ADGRA2: variants seen among roughly 807,000 people sequenced by gnomAD.
ADGRA2 encodes G-protein coupled receptor 124.
Under a neutral mutation model 98.7 loss-of-function variants are expected in ADGRA2, and 61 were observed. The ratio of observed to expected loss-of-function variants is 0.62; its 90% confidence interval spans 0.50 to 0.76. The LOEUF (loss-of-function observed/expected upper bound fraction) is 0.76, where lower values mean the gene tolerates loss of function less well. Ranked by LOEUF, ADGRA2 falls within the 30% of genes least tolerant of loss-of-function variation. ADGRA2 has a pLI of 0.00. For missense variants in ADGRA2, 1,712 were observed against 1,860.0 expected (o/e 0.92, Z 1.46); for synonymous variants, 858 against 831.5 (o/e 1.03, Z -0.55).
At chr8:37,835,798 C>CTGGAGCTGCTGGGCCTGGCAAG in intron 13 of ADGRA2, 28 bp downstream of exon 13, 1 of 1,465,414 alleles carries the variant, frequency 6.8e-7, no homozygotes, top group Non-Finnish European at 9.5e-7. Context: ...CCGCCCCGCC[C>CTGGAGCTGCTGGGCCTGGCAAG]AGGGTGCCTC....
rs1805524441 is a variant in ADGRA2, at chr8:37,833,712, C to T, written c.1321C>T (p.Leu441=). Residue 441 remains leucine (L), a synonymous_variant, in exon 10 of 19, where the codon CTG becomes TTG. Coordinates refer to ENST00000412232, the MANE Select transcript of ADGRA2 (RefSeq NM_032777.10). ...VLMPINASNA[L]TLAHQLRVYT... Reference sequence around the variant, plus strand: ...GATGCCCATCAATGCCTCCAATGCGCTGACCCTGGCTCACCAGCTGCGCGT... The same window carrying T: ...GATGCCCATCAATGCCTCCAATGCGTTGACCCTGGCTCACCAGCTGCGCGT... 6.2e-7 allele frequency: 1 copy of T among 1,614,200 alleles called. No homozygotes were observed. Among genetic ancestry groups the T allele is most frequent in the Non-Finnish European group, 8.5e-7 (1 of 1,180,018 alleles).
At position 37,828,868 on chromosome 8, in the gene ADGRA2, C is replaced by A; in HGVS notation, c.339-20C>A. 1 of 1,592,060 alleles carries A rather than the reference C, an allele frequency of 6.3e-7. No individual in the cohort carries two copies. Among genetic ancestry groups the A allele is most frequent in the Non-Finnish European group, 8.5e-7 (1 of 1,170,086 alleles). ...CTCCAGCGGGGAGAGGTGTGAGGGCCTCTGCACTTGCCTCTGCAGGGACCT... is the reference window on the plus strand; with the variant it reads ...CTCCAGCGGGGAGAGGTGTGAGGGCATCTGCACTTGCCTCTGCAGGGACCT... On this transcript the variant is annotated intron_variant, in intron 2 of 18. Coordinates refer to ENST00000412232, the MANE Select transcript of ADGRA2 (RefSeq NM_032777.10).
rs753563788 is a variant in ADGRA2, at chr8:37,839,481, G to A, written c.2388-18G>A. 2.0e-5 allele frequency: 33 copies of A among 1,613,746 alleles called. No individual in the cohort carries two copies. The Middle Eastern group carries it at 6.6e-4, about 32-fold the overall frequency. ...CCTTGGGTTGGACGGCCATTAATTC[G>A]AGACTGTTTCCGGGCAGCTCCATCC... is the stretch of plus-strand genomic sequence containing the variant. On this transcript the variant is annotated intron_variant, in intron 15 of 18. Transcript: ENST00000412232.
rs912341043 is a variant in ADGRA2, at chr8:37,841,328, G to A, written c.2990G>A (p.Ser997Asn). The A allele has an allele frequency of 3.1e-6, 5 of 1,606,068 alleles. No homozygotes were observed. Among genetic ancestry groups the A allele is most frequent in the Middle Eastern group, 1.7e-4 (1 of 6,058 alleles). ...SDSGSLLATG[S>N]ARVGTPGPPE... ...TCAGGTTCCCTTCTTGCTACTGGGAGCGCGCGAGTGGGGACGCCCGGGCCC... is the reference window on the plus strand; with the variant it reads ...TCAGGTTCCCTTCTTGCTACTGGGAACGCGCGAGTGGGGACGCCCGGGCCC... The change falls in exon 19 of 19, where the codon AGC becomes AAC. Residue 997 changes from serine (S) to asparagine (N), a missense_variant. Ser to Asn is a conservative substitution (Grantham distance 46). Coordinates refer to ENST00000412232, the MANE Select transcript of ADGRA2 (RefSeq NM_032777.10). This position sits in a 1 kb window ranked among gnomAD's most constrained non-coding sequence, Gnocchi z 5.0.
rs1805588389 is a variant in ADGRA2, at chr8:37,835,653, C to T, written c.1933C>T (p.Leu645=). ...GGTGCCCCCAGACTGCACCCTGCAA[C>T]TGCTCGTCTTCCGAAATGGCCGCCT... is the stretch of plus-strand genomic sequence containing the variant. The part of the protein sequence containing the change: ...PPVPPDCTLQ[L]LVFRNGRLFH... The change falls in exon 13 of 19, where the codon CTG becomes TTG. Residue 645 remains leucine (L), a synonymous_variant. Coordinates refer to ENST00000412232, the MANE Select transcript of ADGRA2 (RefSeq NM_032777.10). 6.2e-7 allele frequency: 1 copy of T among 1,613,594 alleles called. No homozygotes were observed. The highest frequency in any genetic ancestry group is 1.3e-5 in the African/African-American group (1 of 74,908).
chr8:37,813,104 G>A (rs976210448), intron 1 of ADGRA2, among the ~76,000 whole-genome samples: 9 of 152,110 alleles, frequency 5.9e-5, no homozygotes, highest in South Asian at 2.1e-4. Flanking sequence ...ATGATGGCTC[G>A]TGCCTATAGT....
chr8:37,800,884 G>A (rs577211192), intron 1 of ADGRA2, among the ~76,000 whole-genome samples: 1 of 152,194 alleles, frequency 6.6e-6, no homozygotes, highest in South Asian at 2.1e-4. Flanking sequence ...AATAAAACTG[G>A]AGCCATTCAT....
At chr8:37,798,385 C>A (rs773355152) in intron 1 of ADGRA2, among the ~76,000 whole-genome samples, 1 of 152,242 alleles carries the variant, frequency 6.6e-6, no homozygotes, top group Non-Finnish European at 1.5e-5. Flanking sequence ...GTCAGGGCCT[C>A]AGTACGCCTT....
rs532934815 is a variant in ADGRA2 at position 37,822,296 on chromosome 8, A to G, written c.339-6592A>G. 6.6e-5 allele frequency among the ~76,000 whole-genome samples: 10 copies of G among 151,974 alleles called. No individual in the cohort carries two copies. In the East Asian group the frequency reaches 1.7e-3, roughly 27 times the overall value. ...AGGCTGCTTTGTGGCCTCCGAACCT[A>G]TAATTTGGTTTTCAAACCCACAAGC... On this transcript the variant is annotated intron_variant, in intron 2 of 18. Coordinates refer to ENST00000412232, the MANE Select transcript of ADGRA2 (RefSeq NM_032777.10).
At chr8:37,804,100 G>GAGACACACACACACACACACAC (rs1310425865) in intron 1 of ADGRA2, among the ~76,000 whole-genome samples, 1 of 107,104 alleles carries the variant, frequency 9.3e-6, no homozygotes, top group African/African-American at 3.7e-5. Context: ...CCCACGGTGA[G>GAGACACACACACACACACACAC]ACACACACAC....
At chr8:37,812,394 G>A (rs1238498351) in intron 1 of ADGRA2, among the ~76,000 whole-genome samples, 7 of 152,154 alleles carry the variant, frequency 4.6e-5, no homozygotes, top group African/African-American at 9.6e-5. Flanking sequence ...TTGGGAGCCC[G>A]AGGCGGGTGG....
At chr8:37,822,705 A>G (rs60659074) in intron 2 of ADGRA2, among the ~76,000 whole-genome samples, 6,793 of 152,290 alleles carry the variant, frequency 0.045, 380 homozygotes, top group African/African-American at 0.13. Flanking sequence ...GACATTTTAT[A>G]TAAATGAAAT....
intron 1 of ADGRA2, among the ~76,000 whole-genome samples, chr8:37,811,547 G>A (rs1454602875): frequency 3.3e-4 from 48 of 147,594 alleles, no homozygotes; most frequent in African/African-American, 1.2e-3. Flanking sequence ...TGCAATCTCG[G>A]CTCACTGGAA....
chr8:37,809,812 G>C (rs1407065753), intron 1 of ADGRA2, among the ~76,000 whole-genome samples: 2 of 152,172 alleles, frequency 1.3e-5, no homozygotes, highest in Non-Finnish European at 2.9e-5. Context: ...AGAGAGAGAG[G>C]GGTGGGTGGA....
chr8:37,817,943 G>A (rs183529663), intron 2 of ADGRA2, among the ~76,000 whole-genome samples: 105 of 152,220 alleles, frequency 6.9e-4, no homozygotes, highest in African/African-American at 2.3e-3. Flanking sequence ...GCTTGAACCC[G>A]GGAGGCATAG....
chr8:37,844,342 C>A lies in ADGRA2; in HGVS notation c.*1987C>A. ...TGCACTCCTGACTTTACTCCAGGAC[C>A]CAGGGTCCAACTAATGGCAGAGCCC... is the stretch of plus-strand genomic sequence containing the variant. On this transcript the variant is annotated 3_prime_UTR_variant, in exon 19 of 19. Coordinates refer to ENST00000412232, the MANE Select transcript of ADGRA2 (RefSeq NM_032777.10). 1 of 1,016,694 alleles carries A rather than the reference C, an allele frequency of 9.8e-7. No homozygotes were observed. 63.0% of individuals were successfully genotyped at this position (1,016,694 alleles called of 1,614,324 possible).
chr8:37,837,827 AGGGGCCC>A lies in ADGRA2; in HGVS notation c.2152_2158del (p.Pro718ArgfsTer36). 1 of 1,536,630 alleles carries A rather than the reference AGGGGCCC, an allele frequency of 6.5e-7. No individual in the cohort carries two copies. The highest frequency in any genetic ancestry group is 8.8e-7 in the Non-Finnish European group (1 of 1,139,860). On this transcript the variant is annotated frameshift_variant, in exon 14 of 19. Transcript: ENST00000412232. LOFTEE classifies it high-confidence loss of function. ...CCTGTGGCCGCTTGGTGGAGCCAGG[AGGGGCCC>A]GGGGAGGCTGGGGGCTGGACCTCGG... is the stretch of plus-strand genomic sequence containing the variant.
intron 1 of ADGRA2, among the ~76,000 whole-genome samples, chr8:37,807,525 A>G (rs921918368): frequency 6.6e-6 from 1 of 152,188 alleles, no homozygotes; most frequent in Non-Finnish European, 1.5e-5. Context: ...TTTAGAGGCA[A>G]TGCTTCTTTT....
intron 17 of ADGRA2, 146 bp from the exon 18 acceptor site, chr8:37,840,613 CA>C (rs1664694605): frequency 3.0e-6 from 2 of 656,996 alleles, no homozygotes; most frequent in South Asian, 3.5e-5. Context: ...GTAGTCCCTG[CA>C]GGGACCTTGC....
Sources: gnomAD v4.1 joint callset for allele counts (sites outside exome capture counted in the v4.1 genomes callset) on GRCh38, gnomAD v4.1.1 for gene constraint, Gnocchi (gnomAD v3.1) non-coding constraint, MANE v1.5 for transcripts, NCBI Gene and HGNC (gene_info 2026-07-23, HGNC 2026-07-21) for gene names.